Variants in KCNIP4 observed in about 807,000 individuals in gnomAD.
KCNIP4 encodes Kv channel-interacting protein 4.
KCNIP4 carries 12 observed loss-of-function variants against 34.0 expected under a neutral mutation model. The observed-to-expected ratio is 0.35, with a 90% confidence interval of 0.23 to 0.57. The LOEUF is 0.57. Ranked by LOEUF, KCNIP4 falls within the 20% of genes least tolerant of loss-of-function variation. The pLI is 0.83. For synonymous variants in KCNIP4, 124 were observed against 102.2 expected (o/e 1.21, Z -1.29); for missense variants, 238 against 311.7 (o/e 0.76, Z 1.78).
chr4:21,278,493 C>T (rs1172275923), intron 1 of KCNIP4, among the ~76,000 whole-genome samples: 1 of 152,156 alleles, frequency 6.6e-6, no homozygotes, highest in Non-Finnish European at 1.5e-5. Flanking sequence ...TGGCCTCCAG[C>T]TCCATCCAGG....
At chr4:20,811,258 G>A (rs1244973672) in intron 3 of KCNIP4, among the ~76,000 whole-genome samples, 2 of 152,098 alleles carry the variant, frequency 1.3e-5, no homozygotes, top group Non-Finnish European at 2.9e-5. Flanking sequence ...TGAAAAATAG[G>A]GAAATTCATG....
chr4:20,957,251 G>A (rs145998544), intron 1 of KCNIP4, among the ~76,000 whole-genome samples: 1 of 152,174 alleles, frequency 6.6e-6, no homozygotes, highest in African/African-American at 2.4e-5. Context: ...GAGAGTGAGG[G>A]TTCTATCTAG....
At chr4:20,794,536 G>A (rs956043240) in intron 3 of KCNIP4, among the ~76,000 whole-genome samples, 5 of 152,128 alleles carry the variant, frequency 3.3e-5, no homozygotes, top group African/African-American at 4.8e-5. Flanking sequence ...ACAGCCAATA[G>A]TAAACTATAT....
rs536356997 is a variant in KCNIP4 at position 20,883,506 on chromosome 4, A to G, written c.62-797T>C. ...AAACAACTTTTGATGTCAGGAGCCA[A>G]CTATCCAAGTCAGCATCAATTTACC... is the stretch of plus-strand genomic sequence containing the variant. On this transcript the variant is annotated intron_variant, in intron 1 of 8. Coordinates refer to ENST00000382152, the MANE Select transcript of KCNIP4 (RefSeq NM_025221.6). Among the ~76,000 whole-genome samples the G allele has an allele frequency of 1.4e-4, 21 of 152,312 alleles. 2 individuals carry two copies. The South Asian group carries it at 4.4e-3, about 32-fold the overall frequency.
At chr4:21,894,144 A>C (rs968670781) in intron 1 of KCNIP4, among the ~76,000 whole-genome samples, 1 of 151,812 alleles carries the variant, frequency 6.6e-6, no homozygotes, top group East Asian at 1.9e-4. Flanking sequence ...CCAGCCTGGG[A>C]AACATGGTAA....
chr4:21,565,306 G>T (rs565914392), intron 1 of KCNIP4, among the ~76,000 whole-genome samples: 1 of 152,156 alleles, frequency 6.6e-6, no homozygotes, highest in Admixed American at 6.5e-5. Flanking sequence ...GTGATCTCTG[G>T]TCTCCCTTCT....
At chr4:21,779,305 A>G (rs1046839454) in intron 1 of KCNIP4, among the ~76,000 whole-genome samples, 1 of 152,176 alleles carries the variant, frequency 6.6e-6, no homozygotes, top group Non-Finnish European at 1.5e-5. Context: ...GCATTTAAAA[A>G]GCATAAAAAT....
At chr4:21,512,863 T>C (rs924946191) in intron 1 of KCNIP4, among the ~76,000 whole-genome samples, 1 of 152,244 alleles carries the variant, frequency 6.6e-6, no homozygotes, top group Non-Finnish European at 1.5e-5. Context: ...GAATGTCCAG[T>C]TAATTGCAGC....
chr4:20,991,470 A>G (rs970063039), intron 1 of KCNIP4, among the ~76,000 whole-genome samples: 9 of 152,118 alleles, frequency 5.9e-5, no homozygotes, highest in African/African-American at 1.7e-4. Flanking sequence ...GAGAAGAAAC[A>G]GGCAATTCTT....
intron 1 of KCNIP4, among the ~76,000 whole-genome samples, chr4:21,141,996 T>A (rs1234698924): frequency 6.6e-6 from 1 of 150,850 alleles, no homozygotes; most frequent in Non-Finnish European, 1.5e-5. Context: ...CTAAAAATAC[T>A]AAAAATTTGC....
chr4:20,867,769 C>A (rs1723019480), intron 2 of KCNIP4, among the ~76,000 whole-genome samples: 1 of 152,012 alleles, frequency 6.6e-6, no homozygotes. Context: ...TCTCAGCAAA[C>A]TATCGCAAGG....
intron 1 of KCNIP4, among the ~76,000 whole-genome samples, chr4:21,670,828 T>C (rs1289410333): frequency 1.3e-5 from 2 of 152,054 alleles, no homozygotes; most frequent in Non-Finnish European, 2.9e-5. Context: ...GCTTATTTTT[T>C]TGTATTTTTA....
At chr4:21,503,098 T>C (rs1733498320) in intron 1 of KCNIP4, among the ~76,000 whole-genome samples, 1 of 152,212 alleles carries the variant, frequency 6.6e-6, no homozygotes, top group Non-Finnish European at 1.5e-5. Flanking sequence ...CTTCACATTT[T>C]AAAAGTGTAT....
intron 1 of KCNIP4, among the ~76,000 whole-genome samples, chr4:21,412,579 C>A (rs933703340): frequency 8.5e-5 from 13 of 152,180 alleles, no homozygotes; most frequent in Non-Finnish European, 1.8e-4. Flanking sequence ...TGATTACTGG[C>A]AATCAATTGC....
At chr4:21,589,786 A>G (rs1409542996) in intron 1 of KCNIP4, among the ~76,000 whole-genome samples, 2 of 151,960 alleles carry the variant, frequency 1.3e-5, no homozygotes, top group African/African-American at 4.8e-5. Flanking sequence ...ATAGGGACCA[A>G]GTATGTTTTT....
intron 1 of KCNIP4, among the ~76,000 whole-genome samples, chr4:21,620,282 C>A (rs1744911897): frequency 6.6e-6 from 1 of 152,152 alleles, no homozygotes; most frequent in African/African-American, 2.4e-5. Context: ...GTGGGCAGAT[C>A]ACTTGAGTCC....
chr4:21,442,156 C>T (rs187433503), intron 1 of KCNIP4, among the ~76,000 whole-genome samples: 152 of 152,300 alleles, frequency 1.0e-3, no homozygotes, highest in Non-Finnish European at 2.0e-3. Context: ...ACCTCCAGAA[C>T]CTGCCAGTGA....
At chr4:21,345,612 A>C (rs536508987) in intron 1 of KCNIP4, among the ~76,000 whole-genome samples, 1 of 152,140 alleles carries the variant, frequency 6.6e-6, no homozygotes, top group African/African-American at 2.4e-5. Context: ...AGAAATAAGG[A>C]AGCTTTGACT....
intron 2 of KCNIP4, among the ~76,000 whole-genome samples, chr4:20,859,060 G>T (rs2149492600): frequency 6.6e-6 from 1 of 152,254 alleles, no homozygotes; most frequent in East Asian, 1.9e-4. Flanking sequence ...AAACTAGCTG[G>T]CTGCTGAGCC....
Sources: gnomAD v4.1 joint callset for allele counts (sites outside exome capture counted in the v4.1 genomes callset) on GRCh38, gnomAD v4.1.1 for gene constraint, MANE v1.5 for transcripts, NCBI Gene and HGNC (gene_info 2026-07-23, HGNC 2026-07-21) for gene names.